The following CAMTA1 variants were observed in gnomAD, a reference collection of about 807,000 sequenced individuals.
The protein encoded by CAMTA1 is calmodulin-binding transcription activator 1.
CAMTA1 carries 27 observed loss-of-function variants against 170.9 expected under a neutral mutation model. That is an observed-to-expected ratio of 0.16 (90% confidence interval 0.12 to 0.22). CAMTA1 has a LOEUF of 0.22. Ranked by LOEUF, CAMTA1 falls within the 10% of genes least tolerant of loss-of-function variation. The pLI, the probability that CAMTA1 is intolerant of heterozygous loss-of-function variation, is 1.00. For synonymous variants in CAMTA1, 833 were observed against 891.5 expected (o/e 0.93, Z 1.17); for missense variants, 1,619 against 2,217.2 (o/e 0.73, Z 5.42).
chr1:6,811,767 TC>T (rs1645190187), intron 1 of CAMTA1, among the ~76,000 whole-genome samples: 1 of 152,238 alleles, frequency 6.6e-6, no homozygotes, highest in Non-Finnish European at 1.5e-5. Context: ...CCTTCCTAGT[TC>T]TGGCTGTGTT....
At chr1:7,452,929 T>C (rs553437709) in intron 5 of CAMTA1, among the ~76,000 whole-genome samples, 261 of 152,348 alleles carry the variant, frequency 1.7e-3, no homozygotes, top group Middle Eastern at 6.8e-3. Flanking sequence ...TTTTGAGGAA[T>C]GGGCCACAGT....
chr1:7,556,231 G>A (rs1045855634), intron 6 of CAMTA1, among the ~76,000 whole-genome samples: 1 of 152,160 alleles, frequency 6.6e-6, no homozygotes, highest in East Asian at 1.9e-4. Context: ...GCTAGATGGT[G>A]GCCCTTGGGG....
chr1:7,546,928 G>T (rs2094701706), intron 6 of CAMTA1, among the ~76,000 whole-genome samples: 1 of 151,910 alleles, frequency 6.6e-6, no homozygotes, highest in Non-Finnish European at 1.5e-5. Flanking sequence ...TTTTCTGTTT[G>T]TAGTTAATAA....
At chr1:7,439,914 A>G (rs902399699) in intron 5 of CAMTA1, among the ~76,000 whole-genome samples, 13 of 152,238 alleles carry the variant, frequency 8.5e-5, no homozygotes, top group African/African-American at 2.2e-4. Flanking sequence ...TGCAAAATGA[A>G]GAGGCCCCAG....
At chr1:7,707,682 G>T (rs1188158191) in intron 11 of CAMTA1, among the ~76,000 whole-genome samples, 2 of 152,326 alleles carry the variant, frequency 1.3e-5, no homozygotes, top group Middle Eastern at 3.4e-3. Flanking sequence ...GTCCAGATGT[G>T]ATGTATTGAA....
chr1:7,379,084 A>T (rs1217377466), intron 5 of CAMTA1, among the ~76,000 whole-genome samples: 3 of 152,196 alleles, frequency 2.0e-5, no homozygotes, highest in Non-Finnish European at 4.4e-5. Flanking sequence ...TGCATGACAG[A>T]GTCTATAAAT....
intron 3 of CAMTA1, among the ~76,000 whole-genome samples, chr1:7,080,902 A>G (rs1639913669): frequency 6.6e-6 from 1 of 152,244 alleles, no homozygotes; most frequent in Non-Finnish European, 1.5e-5. Flanking sequence ...TGTTTCCAAA[A>G]TATCAGGGGT....
rs1388335886 is a variant in CAMTA1 at position 7,294,559 on chromosome 1, T to C, written c.438+44933T>C. Among the ~76,000 whole-genome samples, 7 of 152,326 alleles carry C rather than the reference T, an allele frequency of 4.6e-5. No homozygotes were observed. In the South Asian group the frequency reaches 1.2e-3, roughly 27 times the overall value. Reference sequence around the variant, plus strand: ...TGCAGAGAAAGGGCTGCTTCAGCCCTATTCACCCAAAACCTCAATGTAGAA... The same window carrying C: ...TGCAGAGAAAGGGCTGCTTCAGCCCCATTCACCCAAAACCTCAATGTAGAA... On this transcript the variant is annotated intron_variant, in intron 5 of 22. Transcript: ENST00000303635.
intron 4 of CAMTA1, among the ~76,000 whole-genome samples, chr1:7,157,604 A>G (rs941832041): frequency 4.6e-5 from 7 of 152,230 alleles, no homozygotes; most frequent in African/African-American, 1.7e-4. Flanking sequence ...ATGGGGATGT[A>G]GATGGTACGA....
intron 3 of CAMTA1, chr1:6,834,458 C>T (rs1651971751): frequency 8.5e-6 from 2 of 234,934 alleles, no homozygotes; most frequent in African/African-American, 4.6e-5. Context: ...GGCATTTTGT[C>T]TTTTAGCCTT....
chr1:7,697,627 C>T (rs570987367), intron 11 of CAMTA1, among the ~76,000 whole-genome samples: 62 of 152,226 alleles, frequency 4.1e-4, no homozygotes, highest in African/African-American at 1.3e-3. Context: ...AAGTTGCTGG[C>T]GGAATGGATG....
At chr1:7,016,583 C>T (rs531055049) in intron 3 of CAMTA1, among the ~76,000 whole-genome samples, 1 of 152,328 alleles carries the variant, frequency 6.6e-6, no homozygotes, top group East Asian at 1.9e-4. Context: ...CCTGTAATCC[C>T]AGCACTTGGG....
chr1:7,256,984 T>A (rs554519772), intron 5 of CAMTA1, among the ~76,000 whole-genome samples: 2 of 151,728 alleles, frequency 1.3e-5, no homozygotes, highest in African/African-American at 4.8e-5. Flanking sequence ...GGGTTCCTTT[T>A]ATCAGGGCAC....
chr1:7,414,699 A>C (rs1040014906), intron 5 of CAMTA1, among the ~76,000 whole-genome samples: 8 of 151,804 alleles, frequency 5.3e-5, no homozygotes, highest in Middle Eastern at 3.4e-3. Context: ...TTGATCTTTT[A>C]AAAAAACCAG....
chr1:7,732,016 CTT>C lies in CAMTA1; in HGVS notation c.2915-420_2915-419del, dbSNP rs77932760. 2.1e-5 allele frequency among the ~76,000 whole-genome samples: 3 copies of C among 143,276 alleles called. No individual in the cohort carries two copies. The highest frequency in any genetic ancestry group is 2.6e-5 in the African/African-American group (1 of 39,088). 94.0% of individuals were successfully genotyped at this position (143,276 alleles called of 152,430 possible). Reference sequence around the variant, plus strand: ...AGTGTTTTGGTAAAAGATATACTACCTTTTTTTTTTTTTGTCTAACATACCTT... The same window carrying C: ...AGTGTTTTGGTAAAAGATATACTACCTTTTTTTTTTTGTCTAACATACCTT... On this transcript the variant is annotated intron_variant, in intron 11 of 22. Transcript: ENST00000303635. This position sits in a 1 kb window ranked among gnomAD's most constrained non-coding sequence, Gnocchi z 4.1.
rs1233588949 is a variant in CAMTA1 at position 7,709,232 on chromosome 1, C to T, written c.2915-23216C>T. On this transcript the variant is annotated intron_variant, in intron 11 of 22. Coordinates refer to ENST00000303635, the MANE Select transcript of CAMTA1 (RefSeq NM_015215.4). ...GGGGTGCAGAGGGGCCCCACCTAAGCTGTATCTTCTACTATGCCTAGCATA... is the reference window on the plus strand; with the variant it reads ...GGGGTGCAGAGGGGCCCCACCTAAGTTGTATCTTCTACTATGCCTAGCATA... Among the ~76,000 whole-genome samples, 6 of 152,204 alleles carry T rather than the reference C, an allele frequency of 3.9e-5. 1 individual carries two copies. Among genetic ancestry groups the T allele is most frequent in the Non-Finnish European group, 8.8e-5 (6 of 68,042 alleles).
chr1:7,215,245 A>T (rs546869993), intron 4 of CAMTA1, among the ~76,000 whole-genome samples: 179 of 151,862 alleles, frequency 1.2e-3, no homozygotes, highest in African/African-American at 4.2e-3. Context: ...CCCCTTTCTT[A>T]TGGTTTTGCT....
chr1:7,016,368 G>T (rs1358390164), intron 3 of CAMTA1, among the ~76,000 whole-genome samples: 1 of 152,214 alleles, frequency 6.6e-6, no homozygotes. Flanking sequence ...GCAGCATGTG[G>T]TTCATTTTTA....
intron 3 of CAMTA1, among the ~76,000 whole-genome samples, chr1:6,958,974 T>C (rs1689935109): frequency 1.3e-5 from 2 of 152,156 alleles, no homozygotes; most frequent in African/African-American, 2.4e-5. Context: ...GTAATTAGAT[T>C]TGAGATGCAA....
Sources: gnomAD v4.1 joint callset for allele counts (sites outside exome capture counted in the v4.1 genomes callset) on GRCh38, gnomAD v4.1.1 for gene constraint, Gnocchi (gnomAD v3.1) non-coding constraint, MANE v1.5 for transcripts, NCBI Gene and HGNC (gene_info 2026-07-23, HGNC 2026-07-21) for gene names.